ALDH3B2: variants seen among roughly 807,000 people sequenced by gnomAD.
ALDH3B2 encodes the protein aldehyde dehydrogenase family 3 member B2.
Under a neutral mutation model 36.7 loss-of-function variants are expected in ALDH3B2, and 45 were observed. The observed-to-expected ratio is 1.23, with a 90% CI of 0.97 to 1.57. The LOEUF (loss-of-function observed/expected upper bound fraction) is 1.57. Among genes scored for constraint, ALDH3B2 ranks in the 40% most tolerant of loss-of-function variants. The probability of loss-of-function intolerance (pLI) is 0.00; values close to 1 mark genes in which losing one functional copy is unlikely to be tolerated. For missense variants in ALDH3B2, 464 were observed against 513.3 expected (o/e 0.90, Z 0.93); for synonymous variants, 217 against 226.5 (o/e 0.96, Z 0.38).
intron 6 of ALDH3B2, 68 bp downstream of exon 6, chr11:67,666,054 C>G: frequency 6.4e-7 from 1 of 1,571,830 alleles, no homozygotes; most frequent in East Asian, 2.2e-5. Context: ...CCTCCCTCCA[C>G]AACCCTCCCA....
rs566772428 is a variant in ALDH3B2, at chr11:67,663,381, C to T, written c.992G>A (p.Arg331Gln). 187 of 1,612,522 alleles carry T rather than the reference C, an allele frequency of 1.2e-4. 3 individuals are homozygous for T. The South Asian group carries it at 1.2e-3, about 10-fold the overall frequency. ...GTCGAAGGTGAACTTGCCGTGGTAC[C>T]GGCCCATCCCACTGTGGCCTGTGTG... Residue 331 changes from arginine (R) to glutamine (Q), a missense_variant, in exon 10 of 10, where the codon CGG (arginine) becomes CAG (glutamine). Arg to Gln is a conservative substitution (Grantham distance 43). Coordinates refer to ENST00000349015, the Ensembl canonical transcript of ALDH3B2.
intron 1 of ALDH3B2, among the ~76,000 whole-genome samples, chr11:67,680,011 A>G (rs1314889052): frequency 6.6e-6 from 1 of 152,050 alleles, no homozygotes; most frequent in Admixed American, 6.5e-5. Flanking sequence ...GGCTACAATA[A>G]GCCTCTAAAG....
At chr11:67,670,234 G>T (rs74188748) in intron 1 of ALDH3B2, among the ~76,000 whole-genome samples, 3 of 132,740 alleles carry the variant, frequency 2.3e-5, no homozygotes, top group Non-Finnish European at 1.6e-5. Context: ...GTCTGTGTGT[G>T]TATGGGTGTC....
upstream of ALDH3B2, among the ~76,000 whole-genome samples, chr11:67,677,872 A>AAAAAC (rs1224059620): frequency 6.6e-6 from 1 of 152,188 alleles, no homozygotes; most frequent in Admixed American, 6.5e-5. Context: ...AAACAAACAA[A>AAAAAC]AAAACAAAAC....
upstream of ALDH3B2, among the ~76,000 whole-genome samples, chr11:67,679,486 G>GA (rs575049798): frequency 1.2e-3 from 181 of 150,150 alleles, 1 homozygote; most frequent in African/African-American, 3.8e-3. Context: ...AAAAAAAAAA[G>GA]AAAAAAAACA....
At chr11:67,679,698 G>GA (rs545911365), upstream of ALDH3B2, among the ~76,000 whole-genome samples, 8,223 of 141,766 alleles carry the variant, frequency 0.058, 730 homozygotes, top group African/African-American at 0.2. Context: ...AGAATGGCGT[G>GA]AAAAAAAAAA....
chr11:67,672,715 G>A (rs1489180526), intron 1 of ALDH3B2, among the ~76,000 whole-genome samples: 3 of 150,862 alleles, frequency 2.0e-5, no homozygotes, highest in Admixed American at 1.3e-4. Context: ...TCAGCCTCCC[G>A]AGTAGCTGGT....
intron 1 of ALDH3B2, among the ~76,000 whole-genome samples, chr11:67,680,174 C>T (rs1197968079): frequency 3.3e-5 from 5 of 151,966 alleles, no homozygotes; most frequent in Admixed American, 6.6e-5. Context: ...ATTAGCCGGG[C>T]GTGGTGATGC....
chr11:67,664,214 G>A (rs1565245382), intron 8 of ALDH3B2, 182 bp downstream of exon 8: 1 of 966,368 alleles, frequency 1.0e-6, no homozygotes, highest in Middle Eastern at 3.3e-4. Flanking sequence ...TGGTGGGTTT[G>A]GACCCTGTCC....
intron 1 of ALDH3B2, among the ~76,000 whole-genome samples, chr11:67,668,724 GGTGTCTGTGT>G (rs1481458377): frequency 6.7e-6 from 1 of 148,484 alleles, no homozygotes; most frequent in African/African-American, 2.5e-5. Context: ...TGTGTGTATG[GGTGTCTGTGT>G]GTGTCTGTGT....
exon 10 of ALDH3B2, chr11:67,663,157 G>A: frequency 6.6e-7 from 1 of 1,525,180 alleles, no homozygotes; most frequent in South Asian, 1.3e-5. Flanking sequence ...GGGAGCATAA[G>A]CCCCTCATGG....
intron 7 of ALDH3B2, 121 bp downstream of exon 7, chr11:67,665,164 G>C: frequency 2.7e-6 from 4 of 1,487,346 alleles, no homozygotes; most frequent in Middle Eastern, 1.9e-4. Flanking sequence ...ATGGCTCAAG[G>C]CCGGGCTCTG....
At chr11:67,673,221 T>A (rs1856181544) in intron 1 of ALDH3B2, among the ~76,000 whole-genome samples, 1 of 152,196 alleles carries the variant, frequency 6.6e-6, no homozygotes, top group Admixed American at 6.5e-5. Context: ...AAATAAACTT[T>A]ATAAATTAAC....
Position 67,672,336 on chromosome 11 carries a change from G to A in ALDH3B2, c.-245+2101C>T, listed in dbSNP as rs554789713. 2.2e-3 allele frequency among the ~76,000 whole-genome samples: 328 copies of A among 150,708 alleles called. 1 individual carries two copies. Among genetic ancestry groups the A allele is most frequent in the African/African-American group, 7.7e-3 (317 of 40,952 alleles). On this transcript the variant is annotated intron_variant, in intron 1 of 9. Transcript: ENST00000349015. ...ATGCCCGGCTAATTTTATATTTGTAGTAGAGACGGGGTTTCACCATGTTGG... is the reference window on the plus strand; with the variant it reads ...ATGCCCGGCTAATTTTATATTTGTAATAGAGACGGGGTTTCACCATGTTGG...
At chr11:67,678,418 T>C (rs1488270426), upstream of ALDH3B2, among the ~76,000 whole-genome samples, 2 of 152,106 alleles carry the variant, frequency 1.3e-5, no homozygotes, top group Non-Finnish European at 2.9e-5. Flanking sequence ...GCTAGCCACA[T>C]GTAGGAGAAT....
chr11:67,666,010 G>T, intron 6 of ALDH3B2, 112 bp downstream of exon 6: 1 of 1,357,576 alleles, frequency 7.4e-7, no homozygotes, highest in African/African-American at 1.4e-5. Flanking sequence ...GCCAGCTCCA[G>T]CTCCCCACGT....
At chr11:67,678,449 C>T (rs1856309458), upstream of ALDH3B2, among the ~76,000 whole-genome samples, 1 of 152,134 alleles carries the variant, frequency 6.6e-6, no homozygotes, top group South Asian at 2.1e-4. Context: ...CCTCATCTCT[C>T]ACCTTACACA....
At chr11:67,663,894 C>T in intron 8 of ALDH3B2, 133 bp from the exon 9 acceptor site, 1 of 709,584 alleles carries the variant, frequency 1.4e-6, no homozygotes, top group Non-Finnish European at 2.3e-6. Flanking sequence ...AATCTCCGCT[C>T]TAAGCATCTT....
upstream of ALDH3B2, among the ~76,000 whole-genome samples, chr11:67,678,636 C>CATATATATATATATATATATATATAT (rs34057662): frequency 6.8e-6 from 1 of 146,670 alleles, no homozygotes; most frequent in African/African-American, 2.5e-5. Flanking sequence ...TACTATGGTA[C>CATATATATATATATATATATATATAT]ATATATATAT....
Sources: allele counts gnomAD v4.1 joint callset (sites outside exome capture counted in the v4.1 genomes callset), GRCh38; gene constraint gnomAD v4.1.1; transcripts MANE v1.5; gene names NCBI Gene and HGNC (gene_info 2026-07-23, HGNC 2026-07-21).